Variants in ANKRD44 observed in about 807,000 individuals in gnomAD.
ANKRD44 encodes the protein serine/threonine-protein phosphatase 6 regulatory ankyrin repeat subunit B.
ANKRD44 carries 35 observed loss-of-function variants against 116.0 expected under a neutral mutation model. The ratio of observed to expected loss-of-function variants is 0.30; its 90% CI spans 0.23 to 0.40. ANKRD44 has a LOEUF of 0.40. ANKRD44 is among the 10% of genes least tolerant of loss of function. ANKRD44 has a pLI of 1.00. For missense variants in ANKRD44, 1,014 were observed against 1,242.6 expected (o/e 0.82, Z 2.77); for synonymous variants, 435 against 461.8 (o/e 0.94, Z 0.74).
intron 16 of ANKRD44, among the ~76,000 whole-genome samples, chr2:197,041,598 T>A (rs1204314138): frequency 6.6e-6 from 1 of 152,120 alleles, no homozygotes; most frequent in African/African-American, 2.4e-5. Context: ...GCCTTTAGAG[T>A]GTTGAATTCA....
In ANKRD44 at chr2:197,040,011, G is replaced by A. The variant is rs189978321; in HGVS notation, c.1651-14744C>T. Among the ~76,000 whole-genome samples the A allele has an allele frequency of 1.7e-3, 251 of 151,580 alleles. 1 individual carries two copies. The East Asian group carries it at 0.03, about 18-fold the overall frequency. ...TGGGAGGCCGAGGCGGGCAGATCAC[G>A]AAGTCAGGAGTTTGAGGCCAGCCTG... On this transcript the variant is annotated intron_variant, in intron 16 of 27. Transcript: ENST00000282272.
chr2:197,156,203 G>A (rs113006449), intron 2 of ANKRD44, among the ~76,000 whole-genome samples: 6,587 of 152,166 alleles, frequency 0.043, 187 homozygotes, highest in Middle Eastern at 0.075. Flanking sequence ...AAAATTAGCC[G>A]GGCGTGGTGT....
chr2:197,139,848 T>TTGTGTGTGTG (rs71012957), intron 3 of ANKRD44, among the ~76,000 whole-genome samples: 13 of 131,596 alleles, frequency 9.9e-5, no homozygotes, highest in Non-Finnish European at 1.8e-4. Flanking sequence ...TAAGCTGCTT[T>TTGTGTGTGTG]TGTGTGTGTG....
At chr2:197,001,929 G>A (rs2076122451) in intron 21 of ANKRD44, 89 bp from the exon 22 acceptor site, 2 of 948,712 alleles carry the variant, frequency 2.1e-6, no homozygotes, top group South Asian at 3.0e-5. Context: ...TGAGTTTTTG[G>A]TTTATGAATT....
At chr2:197,278,485 T>C (rs900343005) in intron 1 of ANKRD44, among the ~76,000 whole-genome samples, 3 of 151,948 alleles carry the variant, frequency 2.0e-5, no homozygotes, top group South Asian at 2.1e-4. Flanking sequence ...GCCTCCCGAG[T>C]AGCTGGGACT....
intron 13 of ANKRD44, 50 bp downstream of exon 13, chr2:197,086,630 C>A (rs765579287): frequency 1.9e-6 from 3 of 1,563,346 alleles, no homozygotes. Flanking sequence ...ATAGACCACT[C>A]CCAGTTCCTC....
chr2:197,229,679 C>G (rs958478222), intron 1 of ANKRD44, among the ~76,000 whole-genome samples: 1 of 152,184 alleles, frequency 6.6e-6, no homozygotes, highest in Non-Finnish European at 1.5e-5. Context: ...TTGGTTTTCA[C>G]AACTGCTCTA....
intron 8 of ANKRD44, among the ~76,000 whole-genome samples, chr2:197,115,060 T>C (rs2078676444): frequency 6.6e-6 from 1 of 152,132 alleles, no homozygotes; most frequent in East Asian, 1.9e-4. Flanking sequence ...TCCTGGTACA[T>C]ATAGAGAAGG....
intron 1 of ANKRD44, among the ~76,000 whole-genome samples, chr2:197,285,130 C>T (rs755528476): frequency 1.8e-4 from 28 of 151,806 alleles, no homozygotes; most frequent in Middle Eastern, 3.4e-3. Context: ...TCAGCCCACC[C>T]ACATCACATT....
intron 16 of ANKRD44, among the ~76,000 whole-genome samples, chr2:197,034,297 T>A (rs1024492659): frequency 1.3e-5 from 2 of 152,192 alleles, no homozygotes; most frequent in Admixed American, 1.3e-4. Context: ...AGCTTGTAGT[T>A]ATACATCAGA....
At chr2:197,264,497 G>A (rs1170614582) in intron 1 of ANKRD44, among the ~76,000 whole-genome samples, 1 of 152,204 alleles carries the variant, frequency 6.6e-6, no homozygotes, top group African/African-American at 2.4e-5. Flanking sequence ...AGAGTTTGAT[G>A]ATAGCATCAA....
chr2:197,076,461 C>G (rs2077667832), intron 16 of ANKRD44, among the ~76,000 whole-genome samples: 1 of 151,954 alleles, frequency 6.6e-6, no homozygotes, highest in South Asian at 2.1e-4. Context: ...AAAAAGCATC[C>G]CCCTCAAAAC....
intron 2 of ANKRD44, among the ~76,000 whole-genome samples, chr2:197,152,116 C>A (rs750306391): frequency 1.3e-5 from 2 of 152,174 alleles, no homozygotes; most frequent in Non-Finnish European, 2.9e-5. Context: ...GGGGTAGTTC[C>A]TGGATCAAAA....
intron 2 of ANKRD44, among the ~76,000 whole-genome samples, chr2:197,148,655 G>T (rs1219965682): frequency 6.6e-6 from 1 of 152,168 alleles, no homozygotes; most frequent in Non-Finnish European, 1.5e-5. Context: ...CAGATGGCAG[G>T]CAGGGGACAC....
At chr2:197,041,724 T>C (rs2076915044) in intron 16 of ANKRD44, among the ~76,000 whole-genome samples, 1 of 152,206 alleles carries the variant, frequency 6.6e-6, no homozygotes, top group Non-Finnish European at 1.5e-5. Flanking sequence ...AGGATACCTA[T>C]AGATCTCAGA....
intron 14 of ANKRD44, among the ~76,000 whole-genome samples, chr2:197,082,443 T>C (rs1209867015): frequency 1.3e-5 from 2 of 152,220 alleles, no homozygotes; most frequent in Admixed American, 1.3e-4. Context: ...TGGGTTGTAG[T>C]CAGCAAGATT....
At chr2:196,998,840 T>A (rs958815690) in intron 24 of ANKRD44, 67 bp downstream of exon 24, 1 of 1,582,284 alleles carries the variant, frequency 6.3e-7, no homozygotes, top group Non-Finnish European at 8.6e-7. Context: ...ACAACTGATT[T>A]CTTGATTTGA....
Position 197,008,988 on chromosome 2 carries a change from A to G in ANKRD44, c.1968T>C (p.Ile656=). ...CATCGACCGCCTCCGGGTTGTCTGC[A>G]ATTTCTAGCAACAGCCGTAAACACA... The part of the protein sequence containing the change: ...HTLCLRLLLE[I]ADNPEAVDVK... Residue 656 remains isoleucine (I), a synonymous_variant, in exon 19 of 28, where the codon ATT becomes ATC. Transcript: ENST00000282272. The G allele has an allele frequency of 6.2e-7, 1 of 1,614,184 alleles. No homozygotes were observed. The highest frequency in any genetic ancestry group is 8.5e-7 in the Non-Finnish European group (1 of 1,180,006).
chr2:197,145,678 A>C (rs2079482827), intron 3 of ANKRD44, among the ~76,000 whole-genome samples: 2 of 152,224 alleles, frequency 1.3e-5, no homozygotes, highest in Non-Finnish European at 2.9e-5. Context: ...ACCCACCTCA[A>C]GAACATGAAC....
Sources: gnomAD v4.1 joint callset for allele counts (sites outside exome capture counted in the v4.1 genomes callset) on GRCh38, gnomAD v4.1.1 for gene constraint, MANE v1.5 for transcripts, NCBI Gene and HGNC (gene_info 2026-07-23, HGNC 2026-07-21) for gene names.